The following PXK variants were observed in gnomAD, a reference collection of about 807,000 sequenced individuals.
PXK encodes PX domain containing serine/threonine kinase like, also known as PX domain-containing protein kinase-like protein.
Under a neutral mutation model 84.7 loss-of-function variants are expected in PXK, and 35 were observed. The observed-to-expected ratio is 0.41, with a 90% CI of 0.32 to 0.55. The LOEUF is 0.55. Ranked by LOEUF, PXK falls within the 20% of genes least tolerant of loss-of-function variation. The pLI is 0.21. For synonymous variants in PXK, 253 were observed against 260.8 expected (o/e 0.97, Z 0.29); for missense variants, 634 against 699.7 (o/e 0.91, Z 1.06).
Position 58,411,060 on chromosome 3 carries a change from A to G in PXK, c.1465+901A>G, listed in dbSNP as rs1402039969. ...AACCCATGCATCTCTTCCTAGCGGT[A>G]GGATTTGGTGTGGGCAGGTGAAGAG... On this transcript the variant is annotated intron_variant, in intron 16 of 17. Coordinates refer to ENST00000356151, the MANE Select transcript of PXK (RefSeq NM_017771.5). The surrounding 1 kb of genome is among the most constrained non-coding windows in gnomAD (Gnocchi z 4.2). Among the ~76,000 whole-genome samples the G allele has an allele frequency of 6.6e-6, 1 of 152,184 alleles. No individual in the cohort carries two copies. The highest frequency in any genetic ancestry group is 1.5e-5 in the Non-Finnish European group (1 of 68,008).
chr3:58,423,453 A>T, intron 17 of PXK: 1 of 1,528,988 alleles, frequency 6.5e-7, no homozygotes, highest in Non-Finnish European at 8.8e-7. Context: ...GTGATTCTTT[A>T]ATTTCAGCTG....
chr3:58,353,259 AGTGCT>A (rs1346471799), intron 1 of PXK, among the ~76,000 whole-genome samples: 1 of 152,134 alleles, frequency 6.6e-6, no homozygotes, highest in Non-Finnish European at 1.5e-5. Context: ...GGCCTCCCAA[AGTGCT>A]GGGATTACAG....
intron 1 of PXK, among the ~76,000 whole-genome samples, chr3:58,340,453 G>A (rs1196271664): frequency 6.6e-6 from 1 of 151,004 alleles, no homozygotes; most frequent in African/African-American, 2.4e-5. Flanking sequence ...TAAGGCTGGT[G>A]TGGTGGCTCA....
Position 58,397,666 on chromosome 3 carries a change from G to A in PXK, c.1046G>A (p.Arg349Gln), listed in dbSNP as rs749327835. 6 of 1,614,080 alleles carry A rather than the reference G, an allele frequency of 3.7e-6. 1 individual carries two copies. The South Asian group carries it at 5.5e-5, about 15-fold the overall frequency. The change falls in exon 11 of 18, where the codon CGA becomes CAA. Residue 349 changes from arginine to glutamine, a missense_variant. Physicochemically the swap from Arg to Gln is conservative, Grantham distance 43 (BLOSUM62 1). Around this residue, in one of 3 missense-constraint regions of PXK, gnomAD observed 273 missense variants for 283.6 expected, o/e 0.96. Transcript: ENST00000356151. The surrounding 1 kb of genome is among the most constrained non-coding windows in gnomAD (Gnocchi z 4.7). ...GHLLYEMTYG[R>Q]PPDSVPVDSF... ...TTACTGTATGAAATGACTTATGGAC[G>A]ACCGCCAGACTCGGTGCCTGTGGAC...
chr3:58,343,572 A>G (rs1173288112), intron 1 of PXK, among the ~76,000 whole-genome samples: 1 of 152,168 alleles, frequency 6.6e-6, no homozygotes, highest in Non-Finnish European at 1.5e-5. Context: ...GGTGGACAGG[A>G]GGGTCTGTGC....
At chr3:58,410,205 G>A (rs1356107841) in intron 16 of PXK, 46 bp downstream of exon 16, 1 of 1,419,722 alleles carries the variant, frequency 7.0e-7, no homozygotes, top group Non-Finnish European at 9.9e-7. Context: ...CAGAGATCAG[G>A]ATCAGGAGTC....
intron 17 of PXK, chr3:58,423,363 C>A: frequency 1.4e-6 from 2 of 1,480,390 alleles, no homozygotes; most frequent in South Asian, 1.2e-5. Context: ...ACATGTTGGT[C>A]ATTTGTCTGT....
At chr3:58,339,086 T>G (rs1281539197) in intron 1 of PXK, among the ~76,000 whole-genome samples, 1 of 152,228 alleles carries the variant, frequency 6.6e-6, no homozygotes, top group Non-Finnish European at 1.5e-5. Flanking sequence ...CCTGGAAATC[T>G]GAGATGGACG....
Position 58,424,783 on chromosome 3 carries a change from T to TCCACCA in PXK, c.1567_1572dup (p.Pro523_Pro524dup), listed in dbSNP as rs2107901259. The TCCACCA allele has an allele frequency of 1.2e-6, 2 of 1,613,938 alleles. No homozygotes were observed. The highest frequency in any genetic ancestry group is 8.5e-7 in the Non-Finnish European group (1 of 1,179,956). ...CTGCATTACCTCCACCTCCTCCACC[T>TCCACCA]CCACCACCACCAGCAGCTCCCTTGC... On this transcript the variant is annotated inframe_insertion, in exon 18 of 18. Transcript: ENST00000356151.
At position 58,390,748 on chromosome 3, in the gene PXK, T is replaced by A; in HGVS notation, c.466+89T>A. ...CTTTCTGATACGTATCCCAGGAACA[T>A]GCTTAAATGCAGGTGACTTCTTTTT... On this transcript the variant is annotated intron_variant, in intron 5 of 17. Transcript: ENST00000356151. This position sits in a 1 kb window ranked among gnomAD's most constrained non-coding sequence, Gnocchi z 4.2. 1 of 1,251,688 alleles carries A rather than the reference T, an allele frequency of 8.0e-7. No homozygotes were observed. Among genetic ancestry groups the A allele is most frequent in the Non-Finnish European group, 1.1e-6 (1 of 890,308 alleles). The allele number at this position is 1,251,688 out of a possible 1,614,324, so 77.5% of individuals were successfully genotyped here.
chr3:58,336,464 G>A (rs2097613478), intron 1 of PXK, among the ~76,000 whole-genome samples: 1 of 152,116 alleles, frequency 6.6e-6, no homozygotes, highest in South Asian at 2.1e-4. Context: ...CTGCTGCAAG[G>A]AAATGAAGCT....
At chr3:58,336,071 A>ATATATATATATATATTTT (rs1284780630) in intron 1 of PXK, among the ~76,000 whole-genome samples, 27 of 51,572 alleles carry the variant, frequency 5.2e-4, no homozygotes, top group Non-Finnish European at 6.2e-4. Flanking sequence ...ATATATATAT[A>ATATATATATATATATTTT]TTTTTTTTTT....
At chr3:58,389,223 T>G (rs1226990565) in intron 4 of PXK, among the ~76,000 whole-genome samples, 1 of 152,186 alleles carries the variant, frequency 6.6e-6, no homozygotes, top group African/African-American at 2.4e-5. Context: ...AGAACCATGT[T>G]GTTGCTGTAC....
intron 1 of PXK, among the ~76,000 whole-genome samples, chr3:58,351,169 A>T (rs1405039483): frequency 6.6e-6 from 1 of 152,194 alleles, no homozygotes; most frequent in East Asian, 1.9e-4. Flanking sequence ...ACCCAAGCTC[A>T]GATGATCTCA....
In PXK at chr3:58,336,067, ATATATTTTTTT is replaced by A. The variant is rs1241368492; in HGVS notation, c.102+2979_102+2989del. ...TATATATATATATATATATATATATATATATTTTTTTTTTTTTTTTTTAATACCAATGGGGT... is the reference window on the plus strand; with the variant it reads ...TATATATATATATATATATATATATATTTTTTTTTTTAATACCAATGGGGT... On this transcript the variant is annotated intron_variant, in intron 1 of 17. Coordinates refer to ENST00000356151, the MANE Select transcript of PXK (RefSeq NM_017771.5). 1.2e-3 allele frequency among the ~76,000 whole-genome samples: 73 copies of A among 59,512 alleles called. 1 individual carries two copies. Among genetic ancestry groups the A allele is most frequent in the African/African-American group, 5.9e-3 (58 of 9,894 alleles). The allele number at this position is 59,512 out of a possible 152,430, so 39.0% of individuals were successfully genotyped here.
At chr3:58,423,265 CAT>C (rs1270275414) in intron 17 of PXK, 28 of 973,698 alleles carry the variant, frequency 2.9e-5, no homozygotes, top group Non-Finnish European at 3.2e-5. Flanking sequence ...AACCTGGTGA[CAT>C]AAAGCCAGGA....
At chr3:58,342,186 A>G (rs1373864269) in intron 1 of PXK, among the ~76,000 whole-genome samples, 1 of 152,176 alleles carries the variant, frequency 6.6e-6, no homozygotes, top group Non-Finnish European at 1.5e-5. Context: ...TTCTAAGCAC[A>G]AGTTCTTTAG....
At chr3:58,336,066 TATA>T (rs1183522645) in intron 1 of PXK, among the ~76,000 whole-genome samples, 17 of 58,764 alleles carry the variant, frequency 2.9e-4, no homozygotes, top group African/African-American at 1.2e-3. Flanking sequence ...TATATATATA[TATA>T]TATTTTTTTT....
chr3:58,342,256 T>C (rs937402354), intron 1 of PXK, among the ~76,000 whole-genome samples: 3 of 152,124 alleles, frequency 2.0e-5, no homozygotes, highest in Admixed American at 1.3e-4. Flanking sequence ...TGTTCATAAA[T>C]ACCCATAAAC....
Sources: allele counts gnomAD v4.1 joint callset (sites outside exome capture counted in the v4.1 genomes callset), GRCh38; gene constraint gnomAD v4.1.1; regional missense constraint gnomAD v4.1.1; non-coding constraint Gnocchi (gnomAD v3.1); transcripts MANE v1.5; gene names NCBI Gene and HGNC (gene_info 2026-07-23, HGNC 2026-07-21).